Variants in PCSK2 observed in about 807,000 individuals in gnomAD.
PCSK2 encodes neuroendocrine convertase 2.
A neutral mutation model predicts 69.7 loss-of-function variants in PCSK2; 14 were observed. The observed-to-expected ratio is 0.20, with a 90% CI of 0.13 to 0.31. PCSK2 has a LOEUF of 0.31. Ranked by LOEUF, PCSK2 falls within the 10% of genes least tolerant of loss-of-function variation. The pLI is 1.00. For missense variants in PCSK2, 544 were observed against 842.5 expected (o/e 0.65, Z 4.39); for synonymous variants, 307 against 320.7 (o/e 0.96, Z 0.46).
At chr20:17,341,245 A>G (rs12480849) in intron 2 of PCSK2, among the ~76,000 whole-genome samples, 34,377 of 152,132 alleles carry the variant, frequency 0.23, 4,563 homozygotes, top group South Asian at 0.4. Context: ...CTCAAAAATA[A>G]ATAAATAAAA....
chr20:17,352,955 C>T (rs1348373096), intron 2 of PCSK2, among the ~76,000 whole-genome samples: 1 of 151,962 alleles, frequency 6.6e-6, no homozygotes, highest in South Asian at 2.1e-4. Flanking sequence ...TGACAAAAAT[C>T]TAATACCTAG....
At chr20:17,440,980 G>A (rs2032583701) in intron 8 of PCSK2, among the ~76,000 whole-genome samples, 1 of 152,152 alleles carries the variant, frequency 6.6e-6, no homozygotes, top group Non-Finnish European at 1.5e-5. Flanking sequence ...CAGGATGCCA[G>A]CCCCAAGAAT....
At chr20:17,398,012 C>T (rs181780632) in intron 5 of PCSK2, among the ~76,000 whole-genome samples, 211 of 152,238 alleles carry the variant, frequency 1.4e-3, no homozygotes, top group Admixed American at 2.4e-3. Flanking sequence ...TTTCAATGCC[C>T]ATTCTCTTCT....
intron 8 of PCSK2, among the ~76,000 whole-genome samples, chr20:17,442,218 A>C (rs564829485): frequency 1.4e-4 from 21 of 151,614 alleles, no homozygotes; most frequent in Non-Finnish European, 2.8e-4. Flanking sequence ...TGAATCTATT[A>C]TGTCTCCAGA....
chr20:17,267,639 C>A (rs1987672129), intron 2 of PCSK2, among the ~76,000 whole-genome samples: 1 of 152,040 alleles, frequency 6.6e-6, no homozygotes. Flanking sequence ...AATGAGTAAG[C>A]CTGGTTTTTT....
intron 11 of PCSK2, among the ~76,000 whole-genome samples, chr20:17,480,791 G>T (rs2033386350): frequency 6.6e-6 from 1 of 152,188 alleles, no homozygotes; most frequent in Non-Finnish European, 1.5e-5. Context: ...GAGTTGTCAC[G>T]CTGAGGAATA....
intron 4 of PCSK2, among the ~76,000 whole-genome samples, chr20:17,361,369 G>T (rs1232019375): frequency 2.0e-5 from 3 of 152,198 alleles, no homozygotes; most frequent in African/African-American, 7.2e-5. Context: ...TATAGTTTGT[G>T]ATATGAAAAC....
chr20:17,441,160 G>T (rs1483836544), intron 8 of PCSK2, among the ~76,000 whole-genome samples: 1 of 152,286 alleles, frequency 6.6e-6, no homozygotes, highest in African/African-American at 2.4e-5. Context: ...ACCCTTGCTT[G>T]TTACAATCTG....
At chr20:17,305,729 T>C (rs1989305136) in intron 2 of PCSK2, among the ~76,000 whole-genome samples, 1 of 152,234 alleles carries the variant, frequency 6.6e-6, no homozygotes, top group Admixed American at 6.5e-5. Flanking sequence ...CCTTATGTAT[T>C]TTTTGCATTC....
chr20:17,256,825 T>C (rs1054350944), intron 1 of PCSK2, among the ~76,000 whole-genome samples: 2 of 152,084 alleles, frequency 1.3e-5, no homozygotes, highest in African/African-American at 4.8e-5. Flanking sequence ...TCTGTTTCCA[T>C]GTGTTCTCAT....
intron 4 of PCSK2, among the ~76,000 whole-genome samples, chr20:17,360,883 T>C (rs1600521116): frequency 6.6e-6 from 1 of 152,248 alleles, no homozygotes; most frequent in South Asian, 2.1e-4. Context: ...AATGAATAAA[T>C]GAAAGCTGCC....
At chr20:17,283,093 A>G (rs189339845) in intron 2 of PCSK2, among the ~76,000 whole-genome samples, 1 of 152,310 alleles carries the variant, frequency 6.6e-6, no homozygotes, top group East Asian at 1.9e-4. Flanking sequence ...CCATTTAGCA[A>G]CTGGGCAGGG....
chr20:17,464,333 G>C (rs1568661114), intron 10 of PCSK2: 2 of 152,168 alleles, frequency 1.3e-5, no homozygotes. Flanking sequence ...TGTAGTAATA[G>C]ACACTAATTT....
In PCSK2 at chr20:17,437,983, G is replaced by GC. The variant is rs199587876; in HGVS notation, c.885+1100_885+1101insC. Among the ~76,000 whole-genome samples the GC allele has an allele frequency of 1.9e-4, 20 of 108,016 alleles. No individual in the cohort carries two copies. The South Asian group carries it at 7.1e-3, about 39-fold the overall frequency. 70.9% of individuals were successfully genotyped at this position (108,016 alleles called of 152,430 possible). A position where few individuals can be genotyped will look rare whatever the true frequency, so the allele number is the denominator to read the frequency against. ...GCCTGTCCTGGCTGCCAGGCCAGCAGTTCCCCCCCACCCACACCGTGCTCC... is the reference window on the plus strand; with the variant it reads ...GCCTGTCCTGGCTGCCAGGCCAGCAGCTTCCCCCCCACCCACACCGTGCTCC... On this transcript the variant is annotated intron_variant, in intron 8 of 11. Transcript: ENST00000262545.
At chr20:17,298,640 A>T (rs1479144182) in intron 2 of PCSK2, among the ~76,000 whole-genome samples, 1 of 151,796 alleles carries the variant, frequency 6.6e-6, no homozygotes. Context: ...TCATATCCTC[A>T]CTCTTAAATT....
At chr20:17,266,291 T>C (rs1310063080) in intron 2 of PCSK2, among the ~76,000 whole-genome samples, 1 of 152,190 alleles carries the variant, frequency 6.6e-6, no homozygotes, top group East Asian at 1.9e-4. Flanking sequence ...AGTGGAAGCA[T>C]TTCACCTTTC....
In PCSK2 at chr20:17,407,748, G is replaced by A. The variant is rs116076228; in HGVS notation, c.544-1515G>A. Reference sequence around the variant, plus strand: ...GAAGGAGTCGAAAAACTGGCAACTTGCCAGTAGTTATGGTCAGTGGAGACG... The same window carrying A: ...GAAGGAGTCGAAAAACTGGCAACTTACCAGTAGTTATGGTCAGTGGAGACG... On this transcript the variant is annotated intron_variant, in intron 5 of 11. Coordinates refer to ENST00000262545, the MANE Select transcript of PCSK2 (RefSeq NM_002594.5). Among the ~76,000 whole-genome samples the A allele has an allele frequency of 2.9e-3, 436 of 152,184 alleles. 3 individuals carry two copies. Among genetic ancestry groups the A allele is most frequent in the African/African-American group, 0.01 (418 of 41,534 alleles).
intron 6 of PCSK2, among the ~76,000 whole-genome samples, chr20:17,425,317 C>A (rs559868761): frequency 1.0e-3 from 159 of 152,216 alleles, no homozygotes; most frequent in Non-Finnish European, 2.0e-3. Context: ...CCTCAAAGTG[C>A]GCATTAAATA....
intron 6 of PCSK2, among the ~76,000 whole-genome samples, chr20:17,418,377 C>T (rs1313729364): frequency 6.6e-6 from 1 of 151,986 alleles, no homozygotes; most frequent in Non-Finnish European, 1.5e-5. Flanking sequence ...ACGAATGTAT[C>T]CCAGGGCAAG....
Sources: gnomAD v4.1 joint callset for allele counts (sites outside exome capture counted in the v4.1 genomes callset) on GRCh38, gnomAD v4.1.1 for gene constraint, MANE v1.5 for transcripts, NCBI Gene and HGNC (gene_info 2026-07-23, HGNC 2026-07-21) for gene names.